LY9: variants seen among roughly 807,000 people sequenced by gnomAD.
LY9 encodes the protein lymphocyte antigen 9, also known as T-lymphocyte surface antigen Ly-9.
In LY9, 59 loss-of-function variants were observed where a neutral mutation model predicts 64.6. That is an observed-to-expected ratio of 0.91 (90% CI 0.74 to 1.13). The LOEUF is 1.13. Among genes scored for constraint, LY9 ranks in the 50% most tolerant of loss-of-function variants. The pLI is 0.00. For missense variants in LY9, 789 were observed against 797.2 expected (o/e 0.99, Z 0.12); for synonymous variants, 281 against 308.5 (o/e 0.91, Z 0.93).
At chr1:160,816,512 A>G (rs1267579385) in intron 4 of LY9, 82 bp from the exon 5 acceptor site, 6 of 1,438,612 alleles carry the variant, frequency 4.2e-6, no homozygotes, top group Non-Finnish European at 5.6e-6. Context: ...CAGCTTCATG[A>G]ATATATTTTC....
chr1:160,811,543 G>A (rs1482847735), intron 2 of LY9: 1 of 152,166 alleles, frequency 6.6e-6, no homozygotes, highest in Non-Finnish European at 1.5e-5. Flanking sequence ...GGAGAAACTA[G>A]GCAGTGCCTT....
intron 9 of LY9, among the ~76,000 whole-genome samples, chr1:160,826,565 TGAC>T (rs1668863811): frequency 6.6e-6 from 1 of 152,226 alleles, no homozygotes; most frequent in South Asian, 2.1e-4. Flanking sequence ...TAAAGTTACT[TGAC>T]TACTTAATAA....
intron 2 of LY9, chr1:160,810,486 G>T (rs747566739): frequency 1.3e-5 from 2 of 152,062 alleles, no homozygotes; most frequent in African/African-American, 2.4e-5. Context: ...AAGCACATCG[G>T]TCATACTGTA....
chr1:160,814,428 G>T lies in LY9; in HGVS notation c.739G>T (p.Ala247Ser), dbSNP rs551839165. 4.4e-6 allele frequency: 7 copies of T among 1,606,288 alleles called. No homozygotes were observed. Among genetic ancestry groups the T allele is most frequent in the Non-Finnish European group, 6.0e-6 (7 of 1,175,400 alleles). ...HVGQFCTDPG[A>S]SRGGTTGETV... The stretch of plus-strand genomic sequence containing the variant: ...CTCATCTGTGACCCCAGATCCAGGA[G>T]CCTCCAGAGGAGGAACAACGGGGGA... The change falls in exon 4 of 10, where the codon GCC becomes TCC. Residue 247 changes from alanine (A) to serine (S), a missense_variant. Transcript: ENST00000263285.
At position 160,814,666 on chromosome 1, in the gene LY9, A is replaced by C; in HGVS notation, c.977A>C (p.Gln326Pro). Residue 326 changes from glutamine to proline, a missense_variant, in exon 4 of 10, where the codon CAG becomes CCG. By Grantham distance (76) the Gln-to-Pro change is moderately conservative. Transcript: ENST00000263285. Reference protein sequence around the residue: ...SSQDCSLKISQLKIEDAGPYH... With the variant: ...SSQDCSLKISPLKIEDAGPYH... ...CAGGACTGCTCCCTGAAGATCAGCC[A>C]GCTGAAGATAGAGGACGCCGGCCCC... is the stretch of plus-strand genomic sequence containing the variant. The C allele has an allele frequency of 6.2e-7, 1 of 1,614,242 alleles. No individual in the cohort carries two copies. The highest frequency in any genetic ancestry group is 8.5e-7 in the Non-Finnish European group (1 of 1,180,030).
chr1:160,797,955 C>CT (rs1372625061), intron 1 of LY9, among the ~76,000 whole-genome samples: 2 of 152,148 alleles, frequency 1.3e-5, no homozygotes. Context: ...TACGTGCATT[C>CT]TTTGGAAACT....
intron 9 of LY9, among the ~76,000 whole-genome samples, chr1:160,827,068 T>C (rs1047562194): frequency 6.6e-6 from 1 of 152,210 alleles, no homozygotes; most frequent in Non-Finnish European, 1.5e-5. Context: ...GACAACTATA[T>C]CTTTTGTCTT....
At chr1:160,800,337 CA>C (rs1666333443) in intron 2 of LY9, 2 of 405,320 alleles carry the variant, frequency 4.9e-6, no homozygotes, top group Admixed American at 4.2e-5. Context: ...ATCATCCCCC[CA>C]CCACCCACTC....
chr1:160,813,008 C>A (rs546410223), intron 2 of LY9: 1 of 152,858 alleles, frequency 6.5e-6, no homozygotes, highest in East Asian at 1.9e-4. Context: ...TCGCTTGAAC[C>A]CAGGAGGCAG....
chr1:160,816,969 G>A lies in LY9; in HGVS notation c.1342+106G>A. 5 of 1,110,748 alleles carry A rather than the reference G, an allele frequency of 4.5e-6. No individual in the cohort carries two copies. The South Asian group carries it at 7.2e-5, about 16-fold the overall frequency. The allele number at this position is 1,110,748 out of a possible 1,614,324, so 68.8% of individuals were successfully genotyped here. Reference sequence around the variant, plus strand: ...GTGCAGTAAGAGGCTGTGGGTGAGAGCCCTTTAGAGTGGCATGCTTCCACA... The same window carrying A: ...GTGCAGTAAGAGGCTGTGGGTGAGAACCCTTTAGAGTGGCATGCTTCCACA... On this transcript the variant is annotated intron_variant, in intron 5 of 9. Coordinates refer to ENST00000263285, the MANE Select transcript of LY9 (RefSeq NM_002348.4).
intron 7 of LY9, among the ~76,000 whole-genome samples, chr1:160,820,655 C>G (rs1002536434): frequency 2.6e-5 from 4 of 152,034 alleles, no homozygotes; most frequent in African/African-American, 9.7e-5. Flanking sequence ...CTGCCTGAAC[C>G]CTCCTTCCTT....
intron 7 of LY9, among the ~76,000 whole-genome samples, chr1:160,822,337 C>A (rs1274797886): frequency 6.6e-6 from 1 of 152,044 alleles, no homozygotes; most frequent in East Asian, 1.9e-4. Flanking sequence ...CAGATTGGTT[C>A]GATAAGGCAT....
At chr1:160,802,058 G>T in intron 2 of LY9, 4 of 1,407,226 alleles carry the variant, frequency 2.8e-6, no homozygotes, top group South Asian at 1.6e-5. Context: ...GTGGGCGTTA[G>T]GCGTGTCCCA....
chr1:160,796,395 T>TA, intron 1 of LY9, 84 bp downstream of exon 1: 56 of 1,482,054 alleles, frequency 3.8e-5, no homozygotes, highest in Non-Finnish European at 5.0e-5. Context: ...GATTCTTTTT[T>TA]TTGTTTTTTG....
chr1:160,824,712 G>A lies in LY9; in HGVS notation c.1899+463G>A, dbSNP rs925749128. On this transcript the variant is annotated intron_variant, in intron 9 of 9. Coordinates refer to ENST00000263285, the MANE Select transcript of LY9 (RefSeq NM_002348.4). ...AAAAAAATCCCAGCCGGGCGCGGTG[G>A]CTCATACCTGTAATCCCAGCACTTT... 6.4e-6 allele frequency: 6 copies of A among 944,098 alleles called. No homozygotes were observed. In the African/African-American group the frequency reaches 1.1e-4, roughly 17 times the overall value. The allele number at this position is 944,098 out of a possible 1,614,324, so 58.5% of individuals were successfully genotyped here.
In LY9 at chr1:160,823,628, G is replaced by C; in HGVS notation, c.1662G>C (p.Lys554Asn). ...ATGAGGACAGGCCTGAGGTGCACAAGCCCATCAGTGGAAGATATGAGGTAT... is the reference window on the plus strand; with the variant it reads ...ATGAGGACAGGCCTGAGGTGCACAACCCCATCAGTGGAAGATATGAGGTAT... ...EEDEDRPEVH[K>N]PISGRYEVFD... is the part of the protein sequence containing the mutation. The change falls in exon 8 of 10, where the codon AAG (lysine) becomes AAC (asparagine). Residue 554 changes from lysine to asparagine, a missense_variant. Coordinates refer to ENST00000263285, the MANE Select transcript of LY9 (RefSeq NM_002348.4). 6.2e-7 allele frequency: 1 copy of C among 1,614,156 alleles called. No homozygotes were observed. The highest frequency in any genetic ancestry group is 8.5e-7 in the Non-Finnish European group (1 of 1,180,016).
chr1:160,813,815 A>G lies in LY9; in HGVS notation c.634A>G (p.Thr212Ala). 6.2e-7 allele frequency: 1 copy of G among 1,614,128 alleles called. No homozygotes were observed. The highest frequency in any genetic ancestry group is 8.5e-7 in the Non-Finnish European group (1 of 1,180,008). ...NGGSILTVSR[T>A]PCDPDLPYIC... is the part of the protein sequence containing the mutation. ...AGGCTCCATTCTTACCGTCTCCCGA[A>G]CACCATGTGACCCAGACCTGCCATA... Residue 212 changes from threonine (T) to alanine (A), a missense_variant, in exon 3 of 10, where the codon ACA (threonine) becomes GCA (alanine). By Grantham distance (58) the Thr-to-Ala change is moderately conservative. Transcript: ENST00000263285.
chr1:160,825,107 C>T (rs939413007), intron 9 of LY9, among the ~76,000 whole-genome samples: 1 of 151,328 alleles, frequency 6.6e-6, no homozygotes, highest in Non-Finnish European at 1.5e-5. Context: ...ACTTAGGACA[C>T]TTAAGTGGGA....
At chr1:160,809,361 T>TTATTATTATTATTAC (rs371870875) in intron 2 of LY9, among the ~76,000 whole-genome samples, 19 of 147,262 alleles carry the variant, frequency 1.3e-4, no homozygotes, top group Non-Finnish European at 2.7e-4. Context: ...ATTATTATTA[T>TTATTATTATTATTAC]TACTACTACT....
Sources: gnomAD v4.1 joint callset for allele counts (sites outside exome capture counted in the v4.1 genomes callset) on GRCh38, gnomAD v4.1.1 for gene constraint, MANE v1.5 for transcripts, NCBI Gene and HGNC (gene_info 2026-07-23, HGNC 2026-07-21) for gene names.